The following ZBTB47 variants were observed in gnomAD, a reference collection of about 807,000 sequenced individuals.
The protein encoded by ZBTB47 is zinc finger and BTB domain-containing protein 47.
Under a neutral mutation model 56.6 loss-of-function variants are expected in ZBTB47, and 24 were observed. The ratio of observed to expected loss-of-function variants is 0.42; its 90% CI spans 0.31 to 0.60. ZBTB47 has a LOEUF of 0.60. ZBTB47 is among the 20% of genes least tolerant of loss of function. The pLI, the probability that ZBTB47 is intolerant of heterozygous loss-of-function variation, is 0.14. For missense variants in ZBTB47, 829 were observed against 1,032.6 expected (o/e 0.80, Z 2.70); for synonymous variants, 414 against 418.9 (o/e 0.99, Z 0.14).
In ZBTB47 at chr3:42,659,840, G is replaced by A. The variant is rs1218538982; in HGVS notation, c.1473+12G>A. ...AGCGCAACATCCAGGTGGGCCTCAC[G>A]TGGCTGGGGGCAGGGCAGAGGCTGT... is the stretch of plus-strand genomic sequence containing the variant. On this transcript the variant is annotated intron_variant, in intron 2 of 5. Transcript: ENST00000232974. 4.4e-6 allele frequency: 7 copies of A among 1,588,354 alleles called. No individual in the cohort carries two copies. Among genetic ancestry groups the A allele is most frequent in the East Asian group, 2.2e-5 (1 of 44,602 alleles).
At chr3:42,660,811 G>C (rs1209814822) in intron 2 of ZBTB47, among the ~76,000 whole-genome samples, 1 of 152,182 alleles carries the variant, frequency 6.6e-6, no homozygotes, top group African/African-American at 2.4e-5. Context: ...GGAAAAAGAA[G>C]CTTCTGCCCC....
At position 42,659,254 on chromosome 3, in the gene ZBTB47, GGGA is replaced by G. The variant is rs558162168; in HGVS notation, c.915_917del (p.Glu307del). On this transcript the variant is annotated inframe_deletion, in exon 2 of 6. Coordinates refer to ENST00000232974, the MANE Select transcript of ZBTB47 (RefSeq NM_145166.4). ...GAAGAGGAAGGTGGTGGCAGTGGAC[GGGA>G]GGAGGAGGAGGAGGAAGAGGGTGGC... 2.5e-3 allele frequency: 3,621 copies of G among 1,460,110 alleles called. 2 individuals are homozygous for G. Among genetic ancestry groups the G allele is most frequent in the Non-Finnish European group, 2.9e-3 (3,141 of 1,093,670 alleles). The allele number at this position is 1,460,110 out of a possible 1,614,324, so 90.4% of individuals were successfully genotyped here. A position where few individuals can be genotyped will look rare whatever the true frequency, so the allele number is the denominator to read the frequency against.
chr3:42,653,053 G>T (rs964979921), upstream of ZBTB47, among the ~76,000 whole-genome samples: 1 of 152,230 alleles, frequency 6.6e-6, no homozygotes, highest in Admixed American at 6.5e-5. Context: ...CAGGATGTCT[G>T]CAGCAGCTGC....
upstream of ZBTB47, among the ~76,000 whole-genome samples, chr3:42,653,119 G>A (rs1353884120): frequency 6.6e-6 from 1 of 152,186 alleles, no homozygotes; most frequent in Non-Finnish European, 1.5e-5. Flanking sequence ...CCCTAGCTCT[G>A]GGATAGCCTT....
chr3:42,656,783 A>G lies in ZBTB47; in HGVS notation c.-81-1492A>G, dbSNP rs1710645494. ...GACTGAGAAGTGGAGCTCAACCACC[A>G]CCACCCCTGCCCAATCCCAGCCTAC... On this transcript the variant is annotated intron_variant, in intron 1 of 5. Transcript: ENST00000232974. The surrounding 1 kb of genome is among the most constrained non-coding windows in gnomAD (Gnocchi z 5.8). Among the ~76,000 whole-genome samples, 1 of 151,988 alleles carries G rather than the reference A, an allele frequency of 6.6e-6. No homozygotes were observed. Among genetic ancestry groups the G allele is most frequent in the South Asian group, 2.1e-4 (1 of 4,814 alleles).
rs754863408 is a variant in ZBTB47, at chr3:42,659,186, C to CGAG, written c.843_845dup (p.Glu281dup). 10 of 1,519,158 alleles carry CGAG rather than the reference C, an allele frequency of 6.6e-6. No homozygotes were observed. The highest frequency in any genetic ancestry group is 4.9e-5 in the East Asian group (2 of 40,692). The allele number at this position is 1,519,158 out of a possible 1,614,324, so 94.1% of individuals were successfully genotyped here. ...AGGACGGGCTGCAGAGACACTCGGA[C>CGAG]GAGGAGGAGGAGGACGACGAGGAGG... On this transcript the variant is annotated inframe_insertion, in exon 2 of 6. Transcript: ENST00000232974.
At chr3:42,661,100 T>G (rs1293586078) in intron 2 of ZBTB47, among the ~76,000 whole-genome samples, 1 of 152,182 alleles carries the variant, frequency 6.6e-6, no homozygotes, top group African/African-American at 2.4e-5. Flanking sequence ...GCTCACTCTG[T>G]GGGACCTGTT....
rs1710797435 is a variant in ZBTB47 at position 42,667,088 on chromosome 3, TAAAAC to T, written c.*2498_*2502del. Among the ~76,000 whole-genome samples, 1 of 152,178 alleles carries T rather than the reference TAAAAC, an allele frequency of 6.6e-6. No homozygotes were observed. Among genetic ancestry groups the T allele is most frequent in the Non-Finnish European group, 1.5e-5 (1 of 68,028 alleles). On this transcript the variant is annotated 3_prime_UTR_variant, in exon 6 of 6. Coordinates refer to ENST00000232974, the MANE Select transcript of ZBTB47 (RefSeq NM_145166.4). The stretch of plus-strand genomic sequence containing the variant: ...TTACTAGCTTTTACATCTTTTTATT[TAAAAC>T]AAAACAACACAAAAAAACAATGTGC...
At chr3:42,658,050 G>A (rs1433840899) in intron 1 of ZBTB47, among the ~76,000 whole-genome samples, 5 of 152,334 alleles carry the variant, frequency 3.3e-5, no homozygotes, top group Middle Eastern at 6.8e-3. Flanking sequence ...AAAGTGACAG[G>A]ACCTGATCTT....
rs377118403 is a variant in ZBTB47 at position 42,664,343 on chromosome 3, C to T, written c.1989C>T (p.Asp663=). ...CGGGCGAGAAGCCGTACCCGTGCGACGTGTGTGGCCAGCGCTTCCGCTTCT... is the reference window on the plus strand; with the variant it reads ...CGGGCGAGAAGCCGTACCCGTGCGATGTGTGTGGCCAGCGCTTCCGCTTCT... ...THTGEKPYPC[D]VCGQRFRFSN... is the part of the protein sequence containing the mutation. Residue 663 remains aspartate (D), a synonymous_variant, in exon 6 of 6, where the codon GAC becomes GAT. Coordinates refer to ENST00000232974, the MANE Select transcript of ZBTB47 (RefSeq NM_145166.4). 4 of 1,612,868 alleles carry T rather than the reference C, an allele frequency of 2.5e-6. No individual in the cohort carries two copies. Among genetic ancestry groups the T allele is most frequent in the African/African-American group, 1.3e-5 (1 of 75,042 alleles).
chr3:42,659,141 C>T lies in ZBTB47; in HGVS notation c.786C>T (p.Ala262=). Residue 262 remains alanine, a synonymous_variant, in exon 2 of 6, where the codon GCC becomes GCT. Coordinates refer to ENST00000232974, the MANE Select transcript of ZBTB47 (RefSeq NM_145166.4). The part of the protein sequence containing the change: ...EGKPGAGPSP[A]TVVLGREDGL... ...AGCCAGGTGCCGGGCCAAGCCCAGC[C>T]ACCGTGGTTCTGGGCCGGGAGGACG... The T allele has an allele frequency of 6.6e-7, 1 of 1,505,332 alleles. No homozygotes were observed. The highest frequency in any genetic ancestry group is 8.8e-7 in the Non-Finnish European group (1 of 1,130,538). 93.2% of individuals were successfully genotyped at this position (1,505,332 alleles called of 1,614,324 possible).
In ZBTB47 at chr3:42,654,838, C is replaced by T. The variant is rs567251952; in HGVS notation, c.-82+955C>T. Reference sequence around the variant, plus strand: ...GTCTCCCGGCTCCATCTGCTGGGTCCCGCGGGCCGGGAATGCGGCGCTGTG... The same window carrying T: ...GTCTCCCGGCTCCATCTGCTGGGTCTCGCGGGCCGGGAATGCGGCGCTGTG... On this transcript the variant is annotated intron_variant, in intron 1 of 5. Transcript: ENST00000232974. This position sits in a 1 kb window ranked among gnomAD's most constrained non-coding sequence, Gnocchi z 5.0. 2.0e-5 allele frequency: 9 copies of T among 442,474 alleles called. No homozygotes were observed. The highest frequency in any genetic ancestry group is 1.9e-4 in the African/African-American group (9 of 46,974). The allele number at this position is 442,474 out of a possible 1,614,324, so 27.4% of individuals were successfully genotyped here. A position where few individuals can be genotyped will look rare whatever the true frequency, so the allele number is the denominator to read the frequency against.
Position 42,656,711 on chromosome 3 carries a change from C to G in ZBTB47, c.-81-1564C>G, listed in dbSNP as rs1302478242. Among the ~76,000 whole-genome samples the G allele has an allele frequency of 6.6e-6, 1 of 152,068 alleles. No individual in the cohort carries two copies. The highest frequency in any genetic ancestry group is 1.5e-5 in the Non-Finnish European group (1 of 68,008). ...CCTGGAGACAGGTGGCCCCTGGTGG[C>G]TCAGGGAGGCTCCTGCTGAGGCCCA... On this transcript the variant is annotated intron_variant, in intron 1 of 5. Transcript: ENST00000232974. The surrounding 1 kb of genome is among the most constrained non-coding windows in gnomAD (Gnocchi z 5.8).
chr3:42,653,272 C>G (rs1054058878), upstream of ZBTB47, among the ~76,000 whole-genome samples: 1 of 152,234 alleles, frequency 6.6e-6, no homozygotes, highest in Non-Finnish European at 1.5e-5. Flanking sequence ...GCACCTAGAA[C>G]CAAGTCACCC....
chr3:42,660,410 T>A (rs1480232238), intron 2 of ZBTB47, among the ~76,000 whole-genome samples: 1 of 152,092 alleles, frequency 6.6e-6, no homozygotes, highest in Non-Finnish European at 1.5e-5. Context: ...GGATGCCAGC[T>A]CCCATGGGCC....
intron 1 of ZBTB47, among the ~76,000 whole-genome samples, chr3:42,657,381 G>T (rs539059738): frequency 6.6e-6 from 1 of 152,324 alleles, no homozygotes; most frequent in Non-Finnish European, 1.5e-5. Flanking sequence ...AAGGATCTGG[G>T]GCAGGCCTTG....
At position 42,659,617 on chromosome 3, in the gene ZBTB47, C is replaced by A; in HGVS notation, c.1262C>A (p.Thr421Asn). 3 of 1,610,068 alleles carry A rather than the reference C, an allele frequency of 1.9e-6. No individual in the cohort carries two copies. Among genetic ancestry groups the A allele is most frequent in the Non-Finnish European group, 2.5e-6 (3 of 1,178,434 alleles). Residue 421 changes from threonine to asparagine, a missense_variant, in exon 2 of 6, where the codon ACT (threonine) becomes AAT (asparagine). By Grantham distance (65) the Thr-to-Asn change is moderately conservative. Transcript: ENST00000232974. ...GCATCGGCCCGAGGGCCGCCAGCCA[C>A]TGATGGGCTGGGGGCCAAGGTGAAG... ...ASASARGPPA[T>N]DGLGAKVKLE...
At position 42,664,239 on chromosome 3, in the gene ZBTB47, G is replaced by C; in HGVS notation, c.1885G>C (p.Glu629Gln). The change falls in exon 6 of 6, where the codon GAG (glutamate) becomes CAG (glutamine). Residue 629 changes from glutamate to glutamine, a missense_variant and splice_region_variant. Around this residue, in one of 6 missense-constraint regions of ZBTB47, gnomAD observed 44 missense variants for 76.7 expected, o/e 0.57. Coordinates refer to ENST00000232974, the MANE Select transcript of ZBTB47 (RefSeq NM_145166.4). The stretch of plus-strand genomic sequence containing the variant: ...TGCTGCCCACCCCCAACCCCCAGGA[G>C]AGAAGCCGTACATCTGCGAGATCTG... ...FDEHMKTHTGEKPYICEICGK... is the reference protein window; with the variant it reads ...FDEHMKTHTGQKPYICEICGK... 1 of 1,613,530 alleles carries C rather than the reference G, an allele frequency of 6.2e-7. No individual in the cohort carries two copies. Among genetic ancestry groups the C allele is most frequent in the Non-Finnish European group, 8.5e-7 (1 of 1,179,710 alleles).
chr3:42,661,281 A>G (rs1248461741), intron 2 of ZBTB47, among the ~76,000 whole-genome samples: 1 of 152,184 alleles, frequency 6.6e-6, no homozygotes, highest in Non-Finnish European at 1.5e-5. Flanking sequence ...AGGATGAAGG[A>G]GGACACCAGG....
Sources: gnomAD v4.1 joint callset for allele counts (sites outside exome capture counted in the v4.1 genomes callset) on GRCh38, gnomAD v4.1.1 for gene constraint, gnomAD v4.1.1 regional missense constraint, Gnocchi (gnomAD v3.1) non-coding constraint, MANE v1.5 for transcripts, NCBI Gene and HGNC (gene_info 2026-07-23, HGNC 2026-07-21) for gene names.